Variants in SEMA6D observed in about 807,000 individuals in gnomAD.
SEMA6D encodes the protein semaphorin-6D.
In SEMA6D, 35 loss-of-function variants were observed where a neutral mutation model predicts 106.6. The observed-to-expected ratio is 0.33, with a 90% CI of 0.25 to 0.44. The LOEUF is 0.44. Ranked by LOEUF, SEMA6D falls within the 20% of genes least tolerant of loss-of-function variation. The pLI, the probability that SEMA6D is intolerant of heterozygous loss-of-function variation, is 1.00. For missense variants in SEMA6D, 1,185 were observed against 1,345.9 expected, an observed-to-expected ratio of 0.88 and a Z score of 1.87; for synonymous variants, 499 against 487.7, an observed-to-expected ratio of 1.02 and a Z score of -0.31.
At chr15:47,283,481 A>G (rs1415794146) in intron 1 of SEMA6D, among the ~76,000 whole-genome samples, 1 of 152,048 alleles carries the variant, frequency 6.6e-6, no homozygotes, top group African/African-American at 2.4e-5. Flanking sequence ...CTCTCACTCA[A>G]TTCCTGCCAC....
At chr15:47,515,731 T>A (rs1043980731) in intron 3 of SEMA6D, among the ~76,000 whole-genome samples, 6 of 152,196 alleles carry the variant, frequency 3.9e-5, no homozygotes, top group Non-Finnish European at 8.8e-5. Context: ...AGCATCTTCT[T>A]AAAATATGAT....
chr15:47,216,302 A>G (rs2030591020), intron 1 of SEMA6D, among the ~76,000 whole-genome samples: 2 of 152,132 alleles, frequency 1.3e-5, no homozygotes, highest in African/African-American at 4.8e-5. Context: ...TGAAGCAGCA[A>G]AATGTGTAAT....
At chr15:47,744,650 C>T (rs767812655) in intron 1 of SEMA6D, among the ~76,000 whole-genome samples, 2 of 152,092 alleles carry the variant, frequency 1.3e-5, no homozygotes, top group East Asian at 1.9e-4. Flanking sequence ...AGTGGAGGCT[C>T]GGTCCCTGTT....
chr15:47,396,150 C>G (rs1178888471), intron 1 of SEMA6D, among the ~76,000 whole-genome samples: 1 of 152,124 alleles, frequency 6.6e-6, no homozygotes, highest in Non-Finnish European at 1.5e-5. Flanking sequence ...GTGCTGGCAC[C>G]TGATCTTGGA....
At chr15:47,357,313 G>A (rs984299446) in intron 1 of SEMA6D, among the ~76,000 whole-genome samples, 2 of 151,860 alleles carry the variant, frequency 1.3e-5, no homozygotes, top group African/African-American at 2.4e-5. Flanking sequence ...CATCCTGGGC[G>A]ACAGCAAGAC....
intron 3 of SEMA6D, among the ~76,000 whole-genome samples, chr15:47,498,998 C>T (rs1019025551): frequency 6.6e-6 from 1 of 152,130 alleles, no homozygotes; most frequent in Admixed American, 6.5e-5. Context: ...CCAGTGGAGA[C>T]CAGCAATTAA....
At position 47,277,273 on chromosome 15, in the gene SEMA6D, A is replaced by G. The variant is rs189240040; in HGVS notation, c.-239+92855A>G. Among the ~76,000 whole-genome samples the G allele has an allele frequency of 3.3e-5, 5 of 152,282 alleles. No homozygotes were observed. In the East Asian group the frequency reaches 9.6e-4, roughly 29 times the overall value. On this transcript the variant is annotated intron_variant, in intron 1 of 19. Transcript: ENST00000558014. ...TAACAAAGCAGTGGCAGATTTCAGAAGATTGACTCCAATTTTGAAAGAAGT... is the reference window on the plus strand; with the variant it reads ...TAACAAAGCAGTGGCAGATTTCAGAGGATTGACTCCAATTTTGAAAGAAGT...
At chr15:47,322,854 G>A (rs919193008) in intron 1 of SEMA6D, among the ~76,000 whole-genome samples, 1 of 152,066 alleles carries the variant, frequency 6.6e-6, no homozygotes, top group African/African-American at 2.4e-5. Context: ...CCTTCCCTAA[G>A]AGAACATATT....
At chr15:47,641,965 C>T (rs1351479230) in intron 4 of SEMA6D, among the ~76,000 whole-genome samples, 1 of 152,168 alleles carries the variant, frequency 6.6e-6, no homozygotes, top group East Asian at 1.9e-4. Context: ...GTTGCCTTGT[C>T]GGCCTCCCCT....
intron 4 of SEMA6D, among the ~76,000 whole-genome samples, chr15:47,637,069 T>G (rs775160713): frequency 3.7e-4 from 56 of 152,180 alleles, no homozygotes; most frequent in Non-Finnish European, 6.5e-4. Flanking sequence ...AGTGCCAGAC[T>G]TAGACCACAT....
At chr15:47,695,127 C>G (rs1912642) in intron 4 of SEMA6D, among the ~76,000 whole-genome samples, 1 of 151,880 alleles carries the variant, frequency 6.6e-6, no homozygotes, top group Non-Finnish European at 1.5e-5. Context: ...GTTGGTGGGC[C>G]CACTTAATGA....
intron 1 of SEMA6D, among the ~76,000 whole-genome samples, chr15:47,342,382 A>T (rs979467308): frequency 6.6e-6 from 1 of 152,238 alleles, no homozygotes; most frequent in African/African-American, 2.4e-5. Context: ...AACAACTGCT[A>T]ATCAGCTAAG....
chr15:47,247,142 G>C (rs1437225620), intron 1 of SEMA6D, among the ~76,000 whole-genome samples: 2 of 152,178 alleles, frequency 1.3e-5, no homozygotes, highest in Non-Finnish European at 2.9e-5. Context: ...AGTCTGAGAA[G>C]TGTGTATCAT....
At chr15:47,464,292 G>A (rs2042597080) in intron 2 of SEMA6D, among the ~76,000 whole-genome samples, 1 of 152,080 alleles carries the variant, frequency 6.6e-6, no homozygotes, top group South Asian at 2.1e-4. Flanking sequence ...TTAAGTATGT[G>A]TTGCAGGATC....
intron 3 of SEMA6D, among the ~76,000 whole-genome samples, chr15:47,567,466 G>GTTCT (rs1200714300): frequency 6.6e-6 from 1 of 152,134 alleles, no homozygotes; most frequent in African/African-American, 2.4e-5. Flanking sequence ...TCTCAAAATT[G>GTTCT]TTCTTTCTTC....
chr15:47,588,254 C>T (rs909810675), intron 3 of SEMA6D, among the ~76,000 whole-genome samples: 2 of 152,206 alleles, frequency 1.3e-5, no homozygotes, highest in South Asian at 2.1e-4. Context: ...CCTTCCTCTG[C>T]AGAGACATTG....
rs373318197 is a variant in SEMA6D at position 47,213,656 on chromosome 15, CTTATT to C, written c.-239+29247_-239+29251del. ...ATCCCATTGGATTTTACTAGCCTTA[CTTATT>C]TTATTTTACTACAAAATCAGTAAAA... On this transcript the variant is annotated intron_variant, in intron 1 of 19. Coordinates refer to the SEMA6D transcript ENST00000558014. Among the ~76,000 whole-genome samples, 150 of 152,250 alleles carry C rather than the reference CTTATT, an allele frequency of 9.9e-4. 1 individual carries two copies. Among genetic ancestry groups the C allele is most frequent in the African/African-American group, 3.5e-3 (145 of 41,556 alleles).
intron 4 of SEMA6D, among the ~76,000 whole-genome samples, chr15:47,631,488 C>T (rs2077292146): frequency 6.6e-6 from 1 of 151,752 alleles, no homozygotes; most frequent in African/African-American, 2.4e-5. Context: ...GAAAAAAAGG[C>T]TCTGCCTGTG....
At chr15:47,422,224 TC>T (rs1314776826) in intron 2 of SEMA6D, among the ~76,000 whole-genome samples, 23 of 149,574 alleles carry the variant, frequency 1.5e-4, no homozygotes, top group African/African-American at 5.8e-4. Context: ...CTTCCTTCCT[TC>T]CTTCCTTCCA....
Sources: gnomAD v4.1 joint callset for allele counts (sites outside exome capture counted in the v4.1 genomes callset) on GRCh38, gnomAD v4.1.1 for gene constraint, MANE v1.5 for transcripts, NCBI Gene and HGNC (gene_info 2026-07-23, HGNC 2026-07-21) for gene names.